GPC6: variants seen among roughly 807,000 people sequenced by gnomAD.
GPC6 encodes glypican 6, also known as glypican-6.
Under a neutral mutation model 55.2 loss-of-function variants are expected in GPC6, and 14 were observed. That is an observed-to-expected ratio of 0.25 (90% confidence interval 0.17 to 0.40). GPC6 has a LOEUF of 0.40. Ranked by LOEUF, GPC6 falls within the 10% of genes least tolerant of loss-of-function variation. The pLI is 1.00. For missense variants in GPC6, 641 were observed against 708.5 expected, an observed-to-expected ratio of 0.90 and a Z score of 1.08; for synonymous variants, 278 against 259.6, an observed-to-expected ratio of 1.07 and a Z score of -0.68.
intron 2 of GPC6, among the ~76,000 whole-genome samples, chr13:93,715,668 A>C (rs951376625): frequency 6.6e-6 from 1 of 151,706 alleles, no homozygotes; most frequent in Non-Finnish European, 1.5e-5. Context: ...TATGAAATAT[A>C]TGAGAAATAG....
chr13:94,025,972 T>A (rs1882881337), intron 3 of GPC6, among the ~76,000 whole-genome samples: 1 of 152,060 alleles, frequency 6.6e-6, no homozygotes, highest in Non-Finnish European at 1.5e-5. Context: ...ATGAGGTAGG[T>A]TAATGAGGAT....
intron 3 of GPC6, among the ~76,000 whole-genome samples, chr13:93,932,544 C>T (rs1232319943): frequency 6.6e-6 from 1 of 152,102 alleles, no homozygotes; most frequent in Non-Finnish European, 1.5e-5. Context: ...AGAGTGTTAT[C>T]TATGTTCTAC....
chr13:93,928,856 TACACACACACACACAC>T (rs10642875), intron 3 of GPC6, among the ~76,000 whole-genome samples: 2 of 142,896 alleles, frequency 1.4e-5, no homozygotes, highest in Admixed American at 1.4e-4. Flanking sequence ...CCCTGTGTGT[TACACACACACACACAC>T]ACACACACAC....
Position 93,760,237 on chromosome 13 carries a change from G to A in GPC6, c.320-69917G>A, listed in dbSNP as rs183036045. Among the ~76,000 whole-genome samples, 9 of 152,280 alleles carry A rather than the reference G, an allele frequency of 5.9e-5. No homozygotes were observed. The East Asian group carries it at 1.7e-3, about 29-fold the overall frequency. Reference sequence around the variant, plus strand: ...AGTCCAGTGCAAGACAGCCAGCAATGGCACCAAGCCACTGAATGCAAGGCC... The same window carrying A: ...AGTCCAGTGCAAGACAGCCAGCAATAGCACCAAGCCACTGAATGCAAGGCC... On this transcript the variant is annotated intron_variant, in intron 2 of 8. Transcript: ENST00000377047.
At chr13:93,611,033 G>A (rs1878440387) in intron 2 of GPC6, among the ~76,000 whole-genome samples, 1 of 152,090 alleles carries the variant, frequency 6.6e-6, no homozygotes, top group Admixed American at 6.5e-5. Flanking sequence ...CTCATTTTGA[G>A]TCAGACTAAC....
intron 1 of GPC6, among the ~76,000 whole-genome samples, chr13:93,453,155 A>T (rs1415278015): frequency 3.3e-5 from 5 of 152,200 alleles, no homozygotes; most frequent in Non-Finnish European, 5.9e-5. Flanking sequence ...TAATTCTTGA[A>T]TTATTAACTA....
chr13:94,380,073 T>C (rs186587809), intron 6 of GPC6, among the ~76,000 whole-genome samples: 4 of 152,268 alleles, frequency 2.6e-5, no homozygotes, highest in Admixed American at 2.6e-4. Context: ...AGGAGACACC[T>C]GTGGGGCGGC....
intron 4 of GPC6, among the ~76,000 whole-genome samples, chr13:94,052,160 A>T (rs929394575): frequency 6.6e-6 from 1 of 152,192 alleles, no homozygotes. Flanking sequence ...AGCAAAACAG[A>T]TGAGTGTGAT....
rs1566481754 is a variant in GPC6 at position 93,676,154 on chromosome 13, TATATATATATATATACATAC to T, written c.319+130735_319+130754del. ...ATATATATATATATATATATATATA[TATATATATATATATACATAC>T]ACACACACACACACACATATATATG... is the stretch of plus-strand genomic sequence containing the variant. On this transcript the variant is annotated intron_variant, in intron 2 of 8. Coordinates refer to ENST00000377047, the MANE Select transcript of GPC6 (RefSeq NM_005708.5). Among the ~76,000 whole-genome samples, 66 of 17,644 alleles carry T rather than the reference TATATATATATATATACATAC, an allele frequency of 3.7e-3. 1 individual carries two copies. The highest frequency in any genetic ancestry group is 6.3e-3 in the Admixed American group (7 of 1,116). 11.6% of individuals were successfully genotyped at this position (17,644 alleles called of 152,430 possible). A position where few individuals can be genotyped will look rare whatever the true frequency, so the allele number is the denominator to read the frequency against.
chr13:94,320,258 A>G (rs9589953), intron 6 of GPC6, among the ~76,000 whole-genome samples: 20,387 of 152,146 alleles, frequency 0.13, 2,461 homozygotes, highest in East Asian at 0.63. Context: ...CCTGTGTTCA[A>G]TAGTATCCGC....
intron 6 of GPC6, among the ~76,000 whole-genome samples, chr13:94,338,455 C>T (rs1047810182): frequency 2.0e-5 from 3 of 152,188 alleles, no homozygotes; most frequent in South Asian, 2.1e-4. Context: ...CTTGAGTTCA[C>T]GCCACTCCTG....
chr13:93,279,847 G>A (rs117918631), intron 1 of GPC6, among the ~76,000 whole-genome samples: 3,437 of 152,258 alleles, frequency 0.023, 62 homozygotes, highest in Non-Finnish European at 0.036. Flanking sequence ...TACAGTATTC[G>A]TTTTGAGGTT....
chr13:93,320,218 T>C (rs1300753368), intron 1 of GPC6, among the ~76,000 whole-genome samples: 2 of 152,172 alleles, frequency 1.3e-5, no homozygotes, highest in Non-Finnish European at 2.9e-5. Context: ...TACTGCCTAA[T>C]ACCTTTAAAA....
chr13:93,405,288 A>G (rs995054201), intron 1 of GPC6, among the ~76,000 whole-genome samples: 2 of 152,138 alleles, frequency 1.3e-5, no homozygotes, highest in Non-Finnish European at 1.5e-5. Context: ...GATCTGAGAT[A>G]TGGTGTTGCG....
intron 3 of GPC6, among the ~76,000 whole-genome samples, chr13:93,890,992 A>G: frequency 6.6e-6 from 1 of 152,112 alleles, no homozygotes; most frequent in South Asian, 2.1e-4. Flanking sequence ...GAGACATGTC[A>G]AAAGATATAA....
At chr13:94,036,310 G>A (rs781362732) in intron 4 of GPC6, among the ~76,000 whole-genome samples, 76 of 152,086 alleles carry the variant, frequency 5.0e-4, no homozygotes, top group Non-Finnish European at 8.2e-4. Flanking sequence ...ACATGAAAAA[G>A]ATATGTCCTC....
intron 1 of GPC6, among the ~76,000 whole-genome samples, chr13:93,452,438 A>G (rs1878265065): frequency 6.6e-6 from 1 of 152,182 alleles, no homozygotes; most frequent in Non-Finnish European, 1.5e-5. Flanking sequence ...CACTTGAGTC[A>G]ATTGTCATCT....
chr13:93,952,861 T>TCAC (rs1308907313), intron 3 of GPC6, among the ~76,000 whole-genome samples: 7 of 109,200 alleles, frequency 6.4e-5, no homozygotes, highest in Non-Finnish European at 1.3e-4. Flanking sequence ...TACGTATATA[T>TCAC]ATGTATATAT....
chr13:94,260,686 G>A (rs1017433326), intron 4 of GPC6, among the ~76,000 whole-genome samples: 1 of 152,256 alleles, frequency 6.6e-6, no homozygotes, highest in Non-Finnish European at 1.5e-5. Context: ...AGGGAGAAAA[G>A]AGCCCACAGC....
Sources: allele counts gnomAD v4.1 joint callset (sites outside exome capture counted in the v4.1 genomes callset), GRCh38; gene constraint gnomAD v4.1.1; transcripts MANE v1.5; gene names NCBI Gene and HGNC (gene_info 2026-07-23, HGNC 2026-07-21).